Variants in GRM7 observed in about 807,000 individuals in gnomAD.
The protein encoded by GRM7 is glutamate metabotropic receptor 7, also known as metabotropic glutamate receptor 7.
Under a neutral mutation model 84.5 loss-of-function variants are expected in GRM7, and 35 were observed. The ratio of observed to expected loss-of-function variants is 0.41; its 90% CI spans 0.32 to 0.55. GRM7 has a LOEUF of 0.55. GRM7 is among the 20% of genes least tolerant of loss of function. GRM7 has a pLI of 0.19. For missense variants in GRM7, 1,003 were observed against 1,194.6 expected, an observed-to-expected ratio of 0.84 and a Z score of 2.36; for synonymous variants, 487 against 455.1, an observed-to-expected ratio of 1.07 and a Z score of -0.89.
chr3:7,324,433 G>C lies in GRM7; in HGVS notation c.1033+17781G>C, dbSNP rs528609297. The stretch of plus-strand genomic sequence containing the variant: ...GGCAAAGAATTCTGACTTTTCCCTG[G>C]ACCTGCTGACCTCAGCCCAGTTCTA... On this transcript the variant is annotated intron_variant, in intron 4 of 9. Transcript: ENST00000357716. Among the ~76,000 whole-genome samples, 8 of 152,208 alleles carry C rather than the reference G, an allele frequency of 5.3e-5. No homozygotes were observed. The South Asian group carries it at 1.7e-3, about 32-fold the overall frequency.
intron 1 of GRM7, among the ~76,000 whole-genome samples, chr3:6,921,349 G>A (rs1697117974): frequency 6.6e-6 from 1 of 152,126 alleles, no homozygotes; most frequent in Non-Finnish European, 1.5e-5. Flanking sequence ...AGCAGTGCCC[G>A]GGAGATAGTT....
chr3:7,262,798 A>G (rs1698482313), intron 2 of GRM7, among the ~76,000 whole-genome samples: 1 of 152,202 alleles, frequency 6.6e-6, no homozygotes, highest in Non-Finnish European at 1.5e-5. Context: ...CCTGGGTTCA[A>G]GCAATTGTGC....
rs558599548 is a variant in GRM7 at position 6,945,054 on chromosome 3, AT to A, written c.519+83157del. Among the ~76,000 whole-genome samples the A allele has an allele frequency of 1.8e-3, 277 of 150,030 alleles. 3 individuals carry two copies. Among genetic ancestry groups the A allele is most frequent in the African/African-American group, 5.8e-3 (239 of 40,914 alleles). Reference sequence around the variant, plus strand: ...GTTTTTCTTGATCAGTCTGACTAGAATTTTTTTTTTATTTTTTTAAATTATA... The same window carrying A: ...GTTTTTCTTGATCAGTCTGACTAGAATTTTTTTTTATTTTTTTAAATTATA... On this transcript the variant is annotated intron_variant, in intron 1 of 9. Transcript: ENST00000357716.
intron 9 of GRM7, among the ~76,000 whole-genome samples, chr3:7,726,659 ATATATAG>A (rs1702144337): frequency 1.1e-5 from 1 of 91,778 alleles, no homozygotes; most frequent in Non-Finnish European, 2.2e-5. Context: ...ATATATATAT[ATATATAG>A]GTTTTCCCCA....
intron 1 of GRM7, among the ~76,000 whole-genome samples, chr3:6,993,341 G>T (rs780184291): frequency 6.6e-6 from 1 of 152,118 alleles, no homozygotes; most frequent in Admixed American, 6.6e-5. Context: ...CTTCTTGGAG[G>T]TATCAAAAAG....
intron 4 of GRM7, among the ~76,000 whole-genome samples, chr3:7,351,340 A>T (rs189953930): frequency 1.7e-5 from 1 of 57,900 alleles, no homozygotes; most frequent in African/African-American, 5.2e-5. Flanking sequence ...CCCACAGGCG[A>T]AAAAAAAAAA....
intron 4 of GRM7, among the ~76,000 whole-genome samples, chr3:7,330,325 G>A (rs1469725351): frequency 6.6e-6 from 1 of 152,092 alleles, no homozygotes; most frequent in Non-Finnish European, 1.5e-5. Context: ...TTCTGTCCCT[G>A]GAAGAAAACC....
chr3:7,442,868 A>G (rs1697349342), intron 5 of GRM7, among the ~76,000 whole-genome samples: 1 of 152,092 alleles, frequency 6.6e-6, no homozygotes, highest in Admixed American at 6.6e-5. Flanking sequence ...ATAATTATTT[A>G]TATCTGTATC....
intron 4 of GRM7, among the ~76,000 whole-genome samples, chr3:7,329,895 A>G (rs555466036): frequency 3.9e-5 from 6 of 152,150 alleles, no homozygotes; most frequent in Admixed American, 6.6e-5. Flanking sequence ...ATAGAGAAAT[A>G]TATTAATTTT....
intron 1 of GRM7, among the ~76,000 whole-genome samples, chr3:7,047,090 G>T (rs953550227): frequency 6.6e-6 from 1 of 151,624 alleles, no homozygotes; most frequent in East Asian, 1.9e-4. Flanking sequence ...TATACCAAGG[G>T]CCAGAAGAAT....
chr3:7,303,621 T>C (rs941002823), intron 3 of GRM7, among the ~76,000 whole-genome samples: 2 of 152,094 alleles, frequency 1.3e-5, no homozygotes, highest in African/African-American at 4.8e-5. Context: ...GAAAACATTT[T>C]GTTGTTTTTT....
At chr3:7,098,606 A>C (rs926359805) in intron 1 of GRM7, among the ~76,000 whole-genome samples, 1 of 152,036 alleles carries the variant, frequency 6.6e-6, no homozygotes, top group Non-Finnish European at 1.5e-5. Flanking sequence ...TAAAACTTCA[A>C]GGTGAAAATA....
At chr3:7,249,199 C>G (rs1436006958) in intron 2 of GRM7, among the ~76,000 whole-genome samples, 1 of 152,060 alleles carries the variant, frequency 6.6e-6, no homozygotes, top group African/African-American at 2.4e-5. Context: ...GTGACCTCCC[C>G]CAAAAGATTA....
chr3:7,146,465 G>A lies in GRM7; in HGVS notation c.533G>A (p.Ser178Asn). Reference sequence around the variant, plus strand: ...TTGTCTTTGCAGATCCCCCAGATTAGTTATGCATCAACGGCACCCGAGCTA... The same window carrying A: ...TTGTCTTTGCAGATCCCCCAGATTAATTATGCATCAACGGCACCCGAGCTA... Reference protein sequence around the residue: ...ILRLFQIPQISYASTAPELSD... With the variant: ...ILRLFQIPQINYASTAPELSD... Residue 178 changes from serine (S) to asparagine (N), a missense_variant, in exon 2 of 10, where the codon AGT becomes AAT. By Grantham distance (46) the Ser-to-Asn change is conservative (BLOSUM62 1). Coordinates refer to ENST00000357716, the MANE Select transcript of GRM7 (RefSeq NM_000844.4). 1 of 1,613,038 alleles carries A rather than the reference G, an allele frequency of 6.2e-7. No individual in the cohort carries two copies. The highest frequency in any genetic ancestry group is 8.5e-7 in the Non-Finnish European group (1 of 1,179,570).
chr3:7,602,778 T>C (rs1386805706), intron 8 of GRM7, among the ~76,000 whole-genome samples: 5 of 152,214 alleles, frequency 3.3e-5, no homozygotes, highest in Non-Finnish European at 7.3e-5. Flanking sequence ...CAATGAGGAA[T>C]TCTTTGAAGC....
At chr3:7,450,317 A>G (rs538022191) in intron 5 of GRM7, among the ~76,000 whole-genome samples, 1 of 152,258 alleles carries the variant, frequency 6.6e-6, no homozygotes, top group African/African-American at 2.4e-5. Flanking sequence ...CAAACATTCA[A>G]ATCCATTGCT....
At chr3:7,512,628 T>C (rs973441820) in intron 7 of GRM7, among the ~76,000 whole-genome samples, 3 of 150,716 alleles carry the variant, frequency 2.0e-5, no homozygotes, top group Non-Finnish European at 2.9e-5. Flanking sequence ...CATTTGGGAA[T>C]TTGAGAGATT....
At chr3:7,153,296 T>A (rs1326869228) in intron 2 of GRM7, among the ~76,000 whole-genome samples, 1 of 152,114 alleles carries the variant, frequency 6.6e-6, no homozygotes, top group Non-Finnish European at 1.5e-5. Context: ...TGACTTCTGT[T>A]GTTTGCCTTC....
At chr3:7,714,269 G>A (rs1056423112) in intron 9 of GRM7, among the ~76,000 whole-genome samples, 4 of 152,038 alleles carry the variant, frequency 2.6e-5, no homozygotes, top group Non-Finnish European at 5.9e-5. Flanking sequence ...GGACAACTGA[G>A]GCAACTCTTT....
Sources: allele counts gnomAD v4.1 joint callset (sites outside exome capture counted in the v4.1 genomes callset), GRCh38; gene constraint gnomAD v4.1.1; transcripts MANE v1.5; gene names NCBI Gene and HGNC (gene_info 2026-07-23, HGNC 2026-07-21).